Variants in MOB3B observed in about 807,000 individuals in gnomAD.
MOB3B encodes the protein MOB kinase activator 3B, also known as MOB kinase activator-like 2B.
MOB3B carries 7 observed loss-of-function variants against 18.7 expected under a neutral mutation model. The ratio of observed to expected loss-of-function variants is 0.37; its 90% CI spans 0.21 to 0.70. MOB3B has a LOEUF of 0.70. MOB3B is among the 30% of genes least tolerant of loss of function. MOB3B has a pLI of 0.52. For missense variants in MOB3B, 253 were observed against 281.3 expected (o/e 0.90, Z 0.72); for synonymous variants, 111 against 99.9 (o/e 1.11, Z -0.66).
At chr9:27,457,572 G>A (rs571973717) in intron 1 of MOB3B, among the ~76,000 whole-genome samples, 3 of 152,270 alleles carry the variant, frequency 2.0e-5, no homozygotes, top group Admixed American at 2.0e-4. Context: ...ACCAGGCGGT[G>A]GAATCCCCGC....
intron 1 of MOB3B, chr9:27,524,225 A>C (rs1820390540): frequency 7.0e-6 from 8 of 1,139,592 alleles, no homozygotes. Flanking sequence ...GAAATGACGA[A>C]TGAGAAAACT....
At chr9:27,526,192 T>C (rs1021435799) in intron 1 of MOB3B, 2 of 152,366 alleles carry the variant, frequency 1.3e-5, no homozygotes, top group African/African-American at 4.8e-5. Flanking sequence ...CCAAATGTTA[T>C]AGCCAAAGAA....
At position 27,443,492 on chromosome 9, in the gene MOB3B, C is replaced by A. The variant is rs371428748; in HGVS notation, c.418+11641G>T. 2.6e-4 allele frequency among the ~76,000 whole-genome samples: 40 copies of A among 152,278 alleles called. No individual in the cohort carries two copies. The South Asian group carries it at 3.3e-3, about 13-fold the overall frequency. The stretch of plus-strand genomic sequence containing the variant: ...TCTATCACTGAACCTTCTCAAACTG[C>A]GAAAGGTATTCTTAAATATCAGGAT... On this transcript the variant is annotated intron_variant, in intron 2 of 3. Transcript: ENST00000262244.
At chr9:27,502,281 C>G (rs1434870757) in intron 1 of MOB3B, among the ~76,000 whole-genome samples, 1 of 152,210 alleles carries the variant, frequency 6.6e-6, no homozygotes, top group Non-Finnish European at 1.5e-5. Context: ...ATCTAGGTCT[C>G]CCACACAATA....
At chr9:27,390,513 A>G (rs1007022789) in intron 2 of MOB3B, among the ~76,000 whole-genome samples, 10 of 152,172 alleles carry the variant, frequency 6.6e-5, no homozygotes, top group Non-Finnish European at 1.3e-4. Context: ...AGTTGCTAAT[A>G]TTATTTATGT....
intron 2 of MOB3B, among the ~76,000 whole-genome samples, chr9:27,444,690 G>A (rs1258350620): frequency 1.3e-5 from 2 of 152,128 alleles, no homozygotes; most frequent in Non-Finnish European, 2.9e-5. Context: ...AGGCAAGTCT[G>A]GATTCTAAAC....
intron 2 of MOB3B, among the ~76,000 whole-genome samples, chr9:27,364,998 G>A (rs574003274): frequency 1.9e-4 from 29 of 152,200 alleles, no homozygotes; most frequent in African/African-American, 7.0e-4. Context: ...TTATATTGCT[G>A]TAAGTTCTCT....
chr9:27,472,201 GTTTAT>G (rs1819482663), intron 1 of MOB3B, among the ~76,000 whole-genome samples: 1 of 149,934 alleles, frequency 6.7e-6, no homozygotes, highest in African/African-American at 2.5e-5. Flanking sequence ...TCTTTGGGTA[GTTTAT>G]TTGTTTTTCC....
chr9:27,496,505 C>T (rs1225574852), intron 1 of MOB3B, among the ~76,000 whole-genome samples: 3 of 152,314 alleles, frequency 2.0e-5, no homozygotes, highest in East Asian at 3.9e-4. Flanking sequence ...AACTTCTAAA[C>T]TTCTCCAGGT....
chr9:27,455,130 T>C lies in MOB3B; in HGVS notation c.418+3A>G, dbSNP rs1260869639. 1 of 1,614,144 alleles carries C rather than the reference T, an allele frequency of 6.2e-7. No homozygotes were observed. Among genetic ancestry groups the C allele is most frequent in the Non-Finnish European group, 8.5e-7 (1 of 1,180,016 alleles). Reference sequence around the variant, plus strand: ...AAAAACTGAGAGCTGGTAATGAACTTACCCACGCATGTTGGAAATATTTCC... The same window carrying C: ...AAAAACTGAGAGCTGGTAATGAACTCACCCACGCATGTTGGAAATATTTCC... On this transcript the variant is annotated splice_donor_region_variant and intron_variant, in intron 2 of 3. Coordinates refer to ENST00000262244, the MANE Select transcript of MOB3B (RefSeq NM_024761.5).
intron 2 of MOB3B, among the ~76,000 whole-genome samples, chr9:27,380,388 G>A (rs552973322): frequency 3.3e-5 from 5 of 149,624 alleles, no homozygotes; most frequent in African/African-American, 7.4e-5. Flanking sequence ...ACAGACGCCC[G>A]CCATGACACC....
chr9:27,384,104 T>G lies in MOB3B; in HGVS notation c.419-24868A>C, dbSNP rs558135505. ...ATCCTTTTCTATATAATAGAAACTT[T>G]GGGGAATATTGAAGTTACCCAACTA... On this transcript the variant is annotated intron_variant, in intron 2 of 3. Coordinates refer to ENST00000262244, the MANE Select transcript of MOB3B (RefSeq NM_024761.5). Among the ~76,000 whole-genome samples, 7 of 152,216 alleles carry G rather than the reference T, an allele frequency of 4.6e-5. No individual in the cohort carries two copies. The East Asian group carries it at 1.2e-3, about 25-fold the overall frequency.
intron 2 of MOB3B, among the ~76,000 whole-genome samples, chr9:27,390,492 G>A (rs1036939439): frequency 3.3e-5 from 5 of 152,148 alleles, no homozygotes; most frequent in East Asian, 1.9e-4. Context: ...GTGAGCCACC[G>A]TGCCCGGCCA....
Position 27,342,539 on chromosome 9 carries a change from G to A in MOB3B, c.622-11923C>T, listed in dbSNP as rs533347025. On this transcript the variant is annotated intron_variant, in intron 3 of 3. Coordinates refer to ENST00000262244, the MANE Select transcript of MOB3B (RefSeq NM_024761.5). ...AAAGCCAAGGCTGGACTGTACTGCC[G>A]CCATCTTGGCTCACCGCAACCTCCC... Among the ~76,000 whole-genome samples the A allele has an allele frequency of 2.3e-3, 345 of 151,040 alleles. 1 individual carries two copies. Among genetic ancestry groups the A allele is most frequent in the African/African-American group, 2.8e-3 (116 of 41,050 alleles).
intron 3 of MOB3B, among the ~76,000 whole-genome samples, chr9:27,340,248 A>C (rs1820919522): frequency 6.6e-6 from 1 of 152,244 alleles, no homozygotes; most frequent in Non-Finnish European, 1.5e-5. Context: ...GTGCACATAT[A>C]CATATGTATG....
intron 2 of MOB3B, among the ~76,000 whole-genome samples, chr9:27,427,672 A>G (rs1204267380): frequency 6.6e-6 from 1 of 152,122 alleles, no homozygotes; most frequent in African/African-American, 2.4e-5. Context: ...TAAAGATTCT[A>G]TTCATATTTT....
intron 3 of MOB3B, among the ~76,000 whole-genome samples, chr9:27,333,783 G>GT (rs1371476004): frequency 6.6e-6 from 1 of 152,120 alleles, no homozygotes; most frequent in Admixed American, 6.6e-5. Context: ...GAAGTCCCTG[G>GT]TTCTCCACTG....
chr9:27,339,486 G>C (rs988642555), intron 3 of MOB3B, among the ~76,000 whole-genome samples: 1 of 152,244 alleles, frequency 6.6e-6, no homozygotes, highest in East Asian at 1.9e-4. Context: ...ATTAACCAAA[G>C]TGTCTTGTGT....
intron 3 of MOB3B, among the ~76,000 whole-genome samples, chr9:27,354,189 C>G (rs575726146): frequency 6.6e-6 from 1 of 152,356 alleles, no homozygotes; most frequent in East Asian, 1.9e-4. Flanking sequence ...CTTCACCAGG[C>G]TAGCCAGGGT....
Sources: allele counts gnomAD v4.1 joint callset (sites outside exome capture counted in the v4.1 genomes callset), GRCh38; gene constraint gnomAD v4.1.1; transcripts MANE v1.5; gene names NCBI Gene and HGNC (gene_info 2026-07-23, HGNC 2026-07-21).